EPHA3: variants seen among roughly 807,000 people sequenced by gnomAD.
EPHA3 encodes the protein EPH receptor A3.
A neutral mutation model predicts 107.1 loss-of-function variants in EPHA3; 42 were observed. That is an observed-to-expected ratio of 0.39 (90% CI 0.31 to 0.51). EPHA3 has a LOEUF of 0.51. Among genes scored for constraint, EPHA3 ranks in the 20% least tolerant of loss-of-function variants. The pLI is 0.78. For synonymous variants in EPHA3, 461 were observed against 424.8 expected, an observed-to-expected ratio of 1.09 and a Z score of -1.05; for missense variants, 1,183 against 1,211.2, an observed-to-expected ratio of 0.98 and a Z score of 0.35.
intron 15 of EPHA3, among the ~76,000 whole-genome samples, chr3:89,454,988 G>A (rs1338607036): frequency 6.6e-6 from 1 of 151,966 alleles, no homozygotes; most frequent in East Asian, 1.9e-4. Context: ...GCAAGACACT[G>A]TCTCTTGAAA....
intron 5 of EPHA3, among the ~76,000 whole-genome samples, chr3:89,369,232 C>G (rs908770808): frequency 1.3e-5 from 2 of 150,940 alleles, no homozygotes; most frequent in African/African-American, 4.8e-5. Context: ...AGCCATCAGG[C>G]TACCTGACTT....
At position 89,292,269 on chromosome 3, in the gene EPHA3, T is replaced by C. The variant is rs140536162; in HGVS notation, c.815-48647T>C. On this transcript the variant is annotated intron_variant, in intron 3 of 16. Coordinates refer to ENST00000336596, the MANE Select transcript of EPHA3 (RefSeq NM_005233.6). ...AACAGTAATAATACAGCAATAAAAA[T>C]AACACAAATTTTAATATACAGTATA... 9.9e-4 allele frequency among the ~76,000 whole-genome samples: 151 copies of C among 152,192 alleles called. 1 individual carries two copies. Among genetic ancestry groups the C allele is most frequent in the Admixed American group, 1.2e-3 (18 of 15,270 alleles).
At chr3:89,230,280 T>C (rs1216885166) in intron 3 of EPHA3, among the ~76,000 whole-genome samples, 1 of 152,018 alleles carries the variant, frequency 6.6e-6, no homozygotes, top group African/African-American at 2.4e-5. Flanking sequence ...GGCCTCTAGA[T>C]AGGAGGAGTT....
intron 3 of EPHA3, among the ~76,000 whole-genome samples, chr3:89,320,123 C>A (rs976359682): frequency 6.6e-6 from 1 of 151,814 alleles, no homozygotes; most frequent in Admixed American, 6.6e-5. Context: ...CATTGCTAGT[C>A]AAAACTAGTC....
chr3:89,245,877 G>C (rs535324911), intron 3 of EPHA3, among the ~76,000 whole-genome samples: 5 of 152,284 alleles, frequency 3.3e-5, no homozygotes, highest in African/African-American at 1.2e-4. Context: ...TGCTTGTGAT[G>C]TAAAGGTAAG....
At chr3:89,382,992 TATACTG>T (rs1392761911) in intron 5 of EPHA3, among the ~76,000 whole-genome samples, 1 of 152,234 alleles carries the variant, frequency 6.6e-6, no homozygotes, top group Non-Finnish European at 1.5e-5. Context: ...CATATATTGA[TATACTG>T]ATATCTACTA....
chr3:89,373,867 G>A lies in EPHA3; in HGVS notation c.1307-21970G>A, dbSNP rs1398479087. On this transcript the variant is annotated intron_variant, in intron 5 of 16. Transcript: ENST00000336596. ...AAGGCTTTGAGATGTAGAGGATAAG[G>A]TCGATGTCATTACATGGTTTTATTC... Among the ~76,000 whole-genome samples, 3 of 151,888 alleles carry A rather than the reference G, an allele frequency of 2.0e-5. No individual in the cohort carries two copies. In the East Asian group the frequency reaches 5.8e-4, roughly 29 times the overall value.
At chr3:89,107,925 A>AAG in intron 1 of EPHA3, 89 bp downstream of exon 1, 1 of 1,309,120 alleles carries the variant, frequency 7.6e-7, no homozygotes, top group Non-Finnish European at 1.1e-6. Context: ...GCACGTCGGG[A>AAG]AGGTGCCTCC....
chr3:89,160,546 TTTTGTG>T (rs67992507), intron 2 of EPHA3, among the ~76,000 whole-genome samples: 9,291 of 90,730 alleles, frequency 0.1, 384 homozygotes, highest in Admixed American at 0.14. Flanking sequence ...TAATATTAGA[TTTTGTG>T]TGTGTGTGTG....
At chr3:89,252,499 A>T (rs1705186666) in intron 3 of EPHA3, among the ~76,000 whole-genome samples, 1 of 152,148 alleles carries the variant, frequency 6.6e-6, no homozygotes, top group Non-Finnish European at 1.5e-5. Context: ...ACACTTTAGG[A>T]GGATGAGGAT....
chr3:89,259,032 T>C (rs986269310), intron 3 of EPHA3, among the ~76,000 whole-genome samples: 1 of 152,244 alleles, frequency 6.6e-6, no homozygotes, highest in African/African-American at 2.4e-5. Flanking sequence ...TTTTCTGGTC[T>C]TAATATATAT....
chr3:89,337,462 T>C (rs1707420139), intron 3 of EPHA3, among the ~76,000 whole-genome samples: 1 of 152,224 alleles, frequency 6.6e-6, no homozygotes, highest in Admixed American at 6.5e-5. Flanking sequence ...TAAGATTTAA[T>C]TGAGATGGTA....
chr3:89,401,756 T>C lies in EPHA3; in HGVS notation c.1594+2276T>C, dbSNP rs115116653. ...CCGAGTGGCTGGGACTACAGGCTCA[T>C]GTGCCCACGTCTGGCTAATTTTTTT... On this transcript the variant is annotated intron_variant, in intron 7 of 16. Coordinates refer to ENST00000336596, the MANE Select transcript of EPHA3 (RefSeq NM_005233.6). 9.5e-3 allele frequency among the ~76,000 whole-genome samples: 1,450 copies of C among 152,222 alleles called. 27 individuals carry two copies. The highest frequency in any genetic ancestry group is 0.033 in the African/African-American group (1,370 of 41,536).
chr3:89,406,399 T>G (rs1420954160), intron 7 of EPHA3, among the ~76,000 whole-genome samples: 4 of 152,114 alleles, frequency 2.6e-5, no homozygotes, highest in Non-Finnish European at 5.9e-5. Flanking sequence ...GGGTCAAGAG[T>G]CAGTAAACTT....
chr3:89,288,925 A>G (rs1307056115), intron 3 of EPHA3, among the ~76,000 whole-genome samples: 1 of 152,176 alleles, frequency 6.6e-6, no homozygotes, highest in Non-Finnish European at 1.5e-5. Context: ...GATACTTTCA[A>G]TTCATATGGA....
At chr3:89,425,124 T>C (rs1415557024) in intron 11 of EPHA3, among the ~76,000 whole-genome samples, 1 of 151,226 alleles carries the variant, frequency 6.6e-6, no homozygotes, top group East Asian at 1.9e-4. Flanking sequence ...GTAATAGGGG[T>C]CATTTCCACA....
At chr3:89,194,399 T>G (rs932525781) in intron 2 of EPHA3, among the ~76,000 whole-genome samples, 2 of 151,992 alleles carry the variant, frequency 1.3e-5, no homozygotes, top group Non-Finnish European at 2.9e-5. Flanking sequence ...AGAAACAATG[T>G]GGTTTATTGG....
chr3:89,186,070 T>C (rs6793981), intron 2 of EPHA3, among the ~76,000 whole-genome samples: 143,556 of 151,108 alleles, frequency 0.95, 68,271 homozygotes, highest in African/African-American at 0.97. Context: ...CTGTCTCTCC[T>C]ATTCATTCTT....
At position 89,127,285 on chromosome 3, in the gene EPHA3, A is replaced by C; in HGVS notation, c.153+12A>C. 1 of 1,603,414 alleles carries C rather than the reference A, an allele frequency of 6.2e-7. No homozygotes were observed. Among genetic ancestry groups the C allele is most frequent in the Non-Finnish European group, 8.5e-7 (1 of 1,170,856 alleles). On this transcript the variant is annotated intron_variant, in intron 2 of 16. Coordinates refer to ENST00000336596, the MANE Select transcript of EPHA3 (RefSeq NM_005233.6). ...ATCCATCACATGGGGTGAGTTCAAT[A>C]AACTATCACAAGGAAACATTTTCTC...
Sources: gnomAD v4.1 joint callset for allele counts (sites outside exome capture counted in the v4.1 genomes callset) on GRCh38, gnomAD v4.1.1 for gene constraint, MANE v1.5 for transcripts, NCBI Gene and HGNC (gene_info 2026-07-23, HGNC 2026-07-21) for gene names.